Variants in STRADB observed in about 807,000 individuals in gnomAD.
STRADB encodes the protein STE20 related adaptor beta, also known as STE20-related kinase adapter protein beta.
A neutral mutation model predicts 52.1 loss-of-function variants in STRADB; 34 were observed. The observed-to-expected ratio is 0.65, with a 90% CI of 0.50 to 0.87. STRADB has a LOEUF of 0.87. Among genes scored for constraint, STRADB ranks in the 40% least tolerant of loss-of-function variants. The pLI is 0.00. For synonymous variants in STRADB, 133 were observed against 174.5 expected (o/e 0.76, Z 1.87); for missense variants, 340 against 483.9 (o/e 0.70, Z 2.79).
intron 7 of STRADB, among the ~76,000 whole-genome samples, chr2:201,476,843 G>C (rs1412886324): frequency 1.3e-5 from 2 of 149,944 alleles, no homozygotes; most frequent in Non-Finnish European, 3.0e-5. Flanking sequence ...TTAGCCAGGT[G>C]TGGTGGCACA....
chr2:201,474,663 C>G lies in STRADB; in HGVS notation c.332C>G (p.Ser111Cys). The G allele has an allele frequency of 6.2e-7, 1 of 1,611,154 alleles. No homozygotes were observed. The highest frequency in any genetic ancestry group is 1.3e-5 in the African/African-American group (1 of 74,900). The change falls in exon 6 of 12, where the codon TCC becomes TGC. Residue 111 changes from serine (S) to cysteine (C), a missense_variant. Coordinates refer to ENST00000194530, the MANE Select transcript of STRADB (RefSeq NM_018571.6). ...TTATCCTAGAAAGCCGTGATTCTAT[C>G]CCACTTTTTCCGGCATCCCAATATT... ...LKALQKAVIL[S>C]HFFRHPNITT...
chr2:201,458,996 T>A, intron 3 of STRADB, 132 bp downstream of exon 3: 2 of 662,894 alleles, frequency 3.0e-6, no homozygotes, highest in African/African-American at 1.9e-5. Context: ...ATCTCATCTT[T>A]AAAAAAAATG....
chr2:201,466,397 TA>T (rs930087964), intron 3 of STRADB, among the ~76,000 whole-genome samples: 5 of 152,300 alleles, frequency 3.3e-5, no homozygotes, highest in African/African-American at 9.6e-5. Context: ...AGCAGAAGCA[TA>T]ATCTGAAGTC....
In STRADB at chr2:201,474,696, A is replaced by G. The variant is rs1952444861; in HGVS notation, c.365A>G (p.Tyr122Cys). 1 of 1,612,342 alleles carries G rather than the reference A, an allele frequency of 6.2e-7. No homozygotes were observed. The highest frequency in any genetic ancestry group is 1.7e-5 in the Admixed American group (1 of 59,682). The change falls in exon 6 of 12, where the codon TAT becomes TGT. Residue 122 changes from tyrosine to cysteine, a missense_variant. Transcript: ENST00000194530. ...TTCCGGCATCCCAATATTACAACTTATTGGACAGTTTTCACTGTTGGCAGC... is the reference window on the plus strand; with the variant it reads ...TTCCGGCATCCCAATATTACAACTTGTTGGACAGTTTTCACTGTTGGCAGC... ...HFFRHPNITT[Y>C]WTVFTVGSWL...
intron 3 of STRADB, among the ~76,000 whole-genome samples, chr2:201,460,442 G>A (rs1952195870): frequency 6.6e-6 from 1 of 152,016 alleles, no homozygotes. Flanking sequence ...ATTGTTGACT[G>A]TAGTCACTCT....
chr2:201,469,866 T>C lies in STRADB; in HGVS notation c.94-87T>C. On this transcript the variant is annotated intron_variant, in intron 3 of 11. Transcript: ENST00000194530. ...ACCTTCCTAATGAGCACCTCTGTGT[T>C]TGAAAATATAACACCAGTGTTTTAT... is the stretch of plus-strand genomic sequence containing the variant. 4 of 966,354 alleles carry C rather than the reference T, an allele frequency of 4.1e-6. No homozygotes were observed. In the Admixed American group the frequency reaches 6.1e-5, roughly 15 times the overall value. The allele number at this position is 966,354 out of a possible 1,614,324, so 59.9% of individuals were successfully genotyped here.
At chr2:201,467,001 G>A (rs1045658105) in intron 3 of STRADB, among the ~76,000 whole-genome samples, 1 of 152,108 alleles carries the variant, frequency 6.6e-6, no homozygotes, top group African/African-American at 2.4e-5. Flanking sequence ...CTTGATTATT[G>A]AACTATGATG....
intron 9 of STRADB, 78 bp from the exon 10 acceptor site, chr2:201,478,279 A>T: frequency 6.3e-7 from 1 of 1,593,060 alleles, no homozygotes; most frequent in African/African-American, 1.4e-5. Flanking sequence ...TTTGCTATAG[A>T]CTCTTAGGAG....
chr2:201,472,591 T>G (rs1952407454), intron 4 of STRADB, among the ~76,000 whole-genome samples: 1 of 152,204 alleles, frequency 6.6e-6, no homozygotes, highest in African/African-American at 2.4e-5. Context: ...GGGATGGGAT[T>G]GCCGAGTAGC....
chr2:201,477,804 G>A lies in STRADB; in HGVS notation c.720+14G>A, dbSNP rs551942706. The A allele has an allele frequency of 2.4e-5, 38 of 1,605,786 alleles. 1 individual carries two copies. Among genetic ancestry groups the A allele is most frequent in the African/African-American group, 1.5e-4 (11 of 74,886 alleles). ...CTACTGAGACAGGTCAGGTGTGGCCGTTGGATTGGGTTGTCTGTGTCTCAA... is the reference window on the plus strand; with the variant it reads ...CTACTGAGACAGGTCAGGTGTGGCCATTGGATTGGGTTGTCTGTGTCTCAA... On this transcript the variant is annotated intron_variant, in intron 8 of 11. Transcript: ENST00000194530.
chr2:201,478,512 T>G lies in STRADB; in HGVS notation c.981T>G (p.Ser327Arg). 1.2e-6 allele frequency: 2 copies of G among 1,614,020 alleles called. No individual in the cohort carries two copies. Among genetic ancestry groups the G allele is most frequent in the Non-Finnish European group, 1.7e-6 (2 of 1,180,014 alleles). Residue 327 changes from serine (S) to arginine (R), a missense_variant, in exon 10 of 12, where the codon AGT (serine) becomes AGG (arginine). By Grantham distance (110) the Ser-to-Arg change is moderately radical. Coordinates refer to ENST00000194530, the MANE Select transcript of STRADB (RefSeq NM_018571.6). Reference sequence around the variant, plus strand: ...CCAGTGGAACTCACACAGTAAATAGTGACCGATTACACACACCATCCTCAA... The same window carrying G: ...CCAGTGGAACTCACACAGTAAATAGGGACCGATTACACACACCATCCTCAA... ...LVSSGTHTVN[S>R]DRLHTPSSKT...
chr2:201,462,769 G>T (rs142848664), intron 3 of STRADB, among the ~76,000 whole-genome samples: 234 of 152,166 alleles, frequency 1.5e-3, no homozygotes, highest in South Asian at 5.4e-3. Flanking sequence ...GTTATCATTT[G>T]TTCATCTTTT....
At chr2:201,473,953 C>T (rs1002586823) in intron 5 of STRADB, among the ~76,000 whole-genome samples, 6 of 148,374 alleles carry the variant, frequency 4.0e-5, no homozygotes, top group East Asian at 2.0e-4. Context: ...TGCAGTGGCG[C>T]GATCTTGGCT....
intron 3 of STRADB, among the ~76,000 whole-genome samples, chr2:201,465,516 C>G (rs944228283): frequency 2.0e-5 from 3 of 152,174 alleles, no homozygotes; most frequent in African/African-American, 7.2e-5. Flanking sequence ...CTCCCCTCCT[C>G]AAGGGAAAGG....
Position 201,472,780 on chromosome 2 carries a change from T to G in STRADB, c.194-175T>G, listed in dbSNP as rs117137090. 8 of 513,472 alleles carry G rather than the reference T, an allele frequency of 1.6e-5. No individual in the cohort carries two copies. In the East Asian group the frequency reaches 2.7e-4, roughly 17 times the overall value. 31.8% of individuals were successfully genotyped at this position (513,472 alleles called of 1,614,324 possible). ...TGGATTGCCTGTTTAATCCTCTGCC[T>G]GTTTTTTAATTGGATTGCTTGATAA... On this transcript the variant is annotated intron_variant, in intron 4 of 11. Coordinates refer to ENST00000194530, the MANE Select transcript of STRADB (RefSeq NM_018571.6).
chr2:201,464,558 T>C (rs953771756), intron 3 of STRADB, among the ~76,000 whole-genome samples: 4 of 152,204 alleles, frequency 2.6e-5, no homozygotes, highest in Non-Finnish European at 5.9e-5. Flanking sequence ...AGCACAGCAC[T>C]GGGTCTTGCC....
intron 3 of STRADB, among the ~76,000 whole-genome samples, chr2:201,465,586 C>T (rs145559945): frequency 6.6e-6 from 1 of 152,310 alleles, no homozygotes; most frequent in Non-Finnish European, 1.5e-5. Context: ...GTGACAGAAG[C>T]ACTCCCTTGG....
At chr2:201,471,766 A>G (rs1036078916) in intron 4 of STRADB, among the ~76,000 whole-genome samples, 44 of 152,176 alleles carry the variant, frequency 2.9e-4, no homozygotes, top group Admixed American at 7.9e-4. Flanking sequence ...TACAGCACCT[A>G]TATTCCATCA....
At chr2:201,461,015 C>T (rs1952207462) in intron 3 of STRADB, among the ~76,000 whole-genome samples, 1 of 151,166 alleles carries the variant, frequency 6.6e-6, no homozygotes, top group Admixed American at 6.6e-5. Context: ...CTCTTTTCTC[C>T]ATATCCTCAC....
Sources: allele counts gnomAD v4.1 joint callset (sites outside exome capture counted in the v4.1 genomes callset), GRCh38; gene constraint gnomAD v4.1.1; transcripts MANE v1.5; gene names NCBI Gene and HGNC (gene_info 2026-07-23, HGNC 2026-07-21).